Variants in CHMP5 observed in about 807,000 individuals in gnomAD.
CHMP5 encodes SNF7 domain containing 2.
In CHMP5, 17 loss-of-function variants were observed where a neutral mutation model predicts 33.0. The ratio of observed to expected loss-of-function variants is 0.52; its 90% CI spans 0.35 to 0.77. The LOEUF (loss-of-function observed/expected upper bound fraction) is 0.77, where lower values mean the gene tolerates loss of function less well. CHMP5 is among the 30% of genes least tolerant of loss of function. The pLI, the probability that CHMP5 is intolerant of heterozygous loss-of-function variation, is 0.01. For missense variants in CHMP5, 216 were observed against 261.5 expected (o/e 0.83, Z 1.20); for synonymous variants, 76 against 90.2 (o/e 0.84, Z 0.89).
intron 3 of CHMP5, among the ~76,000 whole-genome samples, chr9:33,268,790 T>G (rs1820758704): frequency 6.6e-6 from 1 of 152,234 alleles, no homozygotes; most frequent in Non-Finnish European, 1.5e-5. Flanking sequence ...TTTACCTAGA[T>G]TCTTACTACT....
chr9:33,278,013 T>A lies in CHMP5; in HGVS notation c.497-100T>A. 5 of 727,120 alleles carry A rather than the reference T, an allele frequency of 6.9e-6. No individual in the cohort carries two copies. In the South Asian group the frequency reaches 8.1e-5, roughly 12 times the overall value. 45.0% of individuals were successfully genotyped at this position (727,120 alleles called of 1,614,324 possible). A position where few individuals can be genotyped will look rare whatever the true frequency, so the allele number is the denominator to read the frequency against. On this transcript the variant is annotated intron_variant, in intron 6 of 7. Coordinates refer to ENST00000223500, the MANE Select transcript of CHMP5 (RefSeq NM_016410.6). ...CAGCATACAACAATCTCATGCCCTC[T>A]TCACTGCCTTCTTTCAAGTCCATCG... is the stretch of plus-strand genomic sequence containing the variant.
intron 3 of CHMP5, among the ~76,000 whole-genome samples, 194 bp downstream of exon 3, chr9:33,268,093 A>G (rs904006457): frequency 5.3e-5 from 8 of 152,210 alleles, no homozygotes; most frequent in African/African-American, 1.7e-4. Context: ...ACTTTTTGCC[A>G]TGATGGAGAT....
intron 5 of CHMP5, among the ~76,000 whole-genome samples, chr9:33,273,794 T>G (rs923783401): frequency 2.0e-5 from 3 of 152,118 alleles, no homozygotes; most frequent in African/African-American, 7.2e-5. Flanking sequence ...ATAAATTTTT[T>G]CTGTGTCTAT....
rs897406247 is a variant in CHMP5 at position 33,280,931 on chromosome 9, A to G, written c.*72A>G. 1.4e-5 allele frequency: 19 copies of G among 1,314,116 alleles called. No individual in the cohort carries two copies. The highest frequency in any genetic ancestry group is 2.0e-5 in the Non-Finnish European group (19 of 944,728). 81.4% of individuals were successfully genotyped at this position (1,314,116 alleles called of 1,614,324 possible). ...GACTAGGAAATATTTATCTTTCCAAATTTGCCATAACAGATTTAGGTTTCT... is the reference window on the plus strand; with the variant it reads ...GACTAGGAAATATTTATCTTTCCAAGTTTGCCATAACAGATTTAGGTTTCT... On this transcript the variant is annotated 3_prime_UTR_variant, in exon 8 of 8. Coordinates refer to ENST00000223500, the MANE Select transcript of CHMP5 (RefSeq NM_016410.6).
chr9:33,273,447 C>T (rs1185081797), intron 5 of CHMP5, among the ~76,000 whole-genome samples: 3 of 152,316 alleles, frequency 2.0e-5, no homozygotes, highest in South Asian at 4.1e-4. Flanking sequence ...GGTTGTCTGT[C>T]TGTCTCCCTG....
At chr9:33,267,191 G>C (rs576726196) in intron 2 of CHMP5, among the ~76,000 whole-genome samples, 3 of 152,276 alleles carry the variant, frequency 2.0e-5, no homozygotes, top group African/African-American at 7.2e-5. Flanking sequence ...CAAATAAAAT[G>C]ATCTACAGAA....
At position 33,281,122 on chromosome 9, in the gene CHMP5, T is replaced by C; in HGVS notation, c.*263T>C. ...TTTTAGCTCGTATGACTTGTTTTCA[T>C]TCATTAATAATAATTTGAAATAAAA... On this transcript the variant is annotated 3_prime_UTR_variant, in exon 8 of 8. Coordinates refer to ENST00000223500, the MANE Select transcript of CHMP5 (RefSeq NM_016410.6). 2.7e-6 allele frequency: 1 copy of C among 370,358 alleles called. No individual in the cohort carries two copies. 22.9% of individuals were successfully genotyped at this position (370,358 alleles called of 1,614,324 possible).
Position 33,278,005 on chromosome 9 carries a change from ATGCCCTCTTCAC to A in CHMP5, c.497-103_497-92del, listed in dbSNP as rs1328891401. ...TGGTCACACAGCATACAACAATCTCATGCCCTCTTCACTGCCTTCTTTCAAGTCCATCGATAA... is the reference window on the plus strand; with the variant it reads ...TGGTCACACAGCATACAACAATCTCATGCCTTCTTTCAAGTCCATCGATAA... On this transcript the variant is annotated intron_variant, in intron 6 of 7. Coordinates refer to ENST00000223500, the MANE Select transcript of CHMP5 (RefSeq NM_016410.6). The A allele has an allele frequency of 3.2e-5, 22 of 681,888 alleles. No homozygotes were observed. In the Middle Eastern group the frequency reaches 1.2e-3, roughly 37 times the overall value. 42.2% of individuals were successfully genotyped at this position (681,888 alleles called of 1,614,324 possible). A position where few individuals can be genotyped will look rare whatever the true frequency, so the allele number is the denominator to read the frequency against.
chr9:33,280,738 A>G (rs956625053), intron 7 of CHMP5, 71 bp from the exon 8 acceptor site: 41 of 1,393,314 alleles, frequency 2.9e-5, no homozygotes, highest in Non-Finnish European at 3.9e-5. Context: ...TTAACTATTA[A>G]ATGTTTGTAA....
At chr9:33,266,263 G>A (rs902332030) in intron 2 of CHMP5, 149 bp downstream of exon 2, 2 of 493,522 alleles carry the variant, frequency 4.1e-6, no homozygotes, top group Non-Finnish European at 7.5e-6. Flanking sequence ...ACGAGGTCAG[G>A]CATTTGAGAC....
chr9:33,266,190 C>A lies in CHMP5; in HGVS notation c.174+76C>A. ...GCACCTATAGAAATAGGGCCTAGTT[C>A]GGCTGGGCGCAGTGGCTCATGCATG... On this transcript the variant is annotated intron_variant, in intron 2 of 7. Coordinates refer to ENST00000223500, the MANE Select transcript of CHMP5 (RefSeq NM_016410.6). 2.1e-6 allele frequency: 2 copies of A among 948,396 alleles called. 1 individual carries two copies. The highest frequency in any genetic ancestry group is 3.3e-6 in the Non-Finnish European group (2 of 603,610). The allele number at this position is 948,396 out of a possible 1,614,324, so 58.7% of individuals were successfully genotyped here.
chr9:33,271,666 C>G (rs937755187), intron 5 of CHMP5, among the ~76,000 whole-genome samples: 1 of 152,132 alleles, frequency 6.6e-6, no homozygotes, highest in African/African-American at 2.4e-5. Flanking sequence ...GTAGGCTAGG[C>G]TAAGTGATGG....
At chr9:33,276,081 A>G (rs549429794) in intron 5 of CHMP5, among the ~76,000 whole-genome samples, 1 of 152,328 alleles carries the variant, frequency 6.6e-6, no homozygotes, top group East Asian at 1.9e-4. Flanking sequence ...ACATTTTGCC[A>G]CCAAAAATAG....
intron 3 of CHMP5, 86 bp from the exon 4 acceptor site, chr9:33,270,537 A>G (rs996973990): frequency 6.6e-6 from 7 of 1,058,088 alleles, no homozygotes; most frequent in Non-Finnish European, 9.8e-6. Flanking sequence ...TTTTTTTTAA[A>G]TACTCTTATT....
chr9:33,276,645 G>A (rs1397397702), intron 6 of CHMP5, 81 bp downstream of exon 6: 2 of 756,040 alleles, frequency 2.6e-6, no homozygotes, highest in East Asian at 5.3e-5. Context: ...TCAAATGCTA[G>A]TGAAAATTTC....
At chr9:33,272,636 C>G (rs1362596060) in intron 5 of CHMP5, among the ~76,000 whole-genome samples, 5 of 152,042 alleles carry the variant, frequency 3.3e-5, no homozygotes, top group African/African-American at 4.8e-5. Flanking sequence ...AACCCTGTCT[C>G]TACCAAAAAT....
At chr9:33,279,779 C>T (rs1820899964) in intron 7 of CHMP5, among the ~76,000 whole-genome samples, 1 of 148,070 alleles carries the variant, frequency 6.8e-6, no homozygotes, top group Non-Finnish European at 1.5e-5. Context: ...AGGAGAATCA[C>T]TTGAAGCCGG....
At chr9:33,278,262 A>ATTTT in intron 7 of CHMP5, 37 bp downstream of exon 7, 1 of 1,234,264 alleles carries the variant, frequency 8.1e-7, no homozygotes, top group Non-Finnish European at 1.2e-6. Context: ...AATGCAAAAT[A>ATTTT]GCAAAGGCTT....
At chr9:33,269,840 G>C (rs929558521) in intron 3 of CHMP5, among the ~76,000 whole-genome samples, 3 of 151,980 alleles carry the variant, frequency 2.0e-5, no homozygotes, top group Non-Finnish European at 4.4e-5. Flanking sequence ...AAGCGTGGTG[G>C]CGCATGCCTG....
Sources: allele counts gnomAD v4.1 joint callset (sites outside exome capture counted in the v4.1 genomes callset), GRCh38; gene constraint gnomAD v4.1.1; transcripts MANE v1.5; gene names NCBI Gene and HGNC (gene_info 2026-07-23, HGNC 2026-07-21).